Variants in AGBL4 observed in about 807,000 individuals in gnomAD.
The protein encoded by AGBL4 is cytosolic carboxypeptidase 6.
AGBL4 carries 58 observed loss-of-function variants against 66.4 expected under a neutral mutation model. The observed-to-expected ratio is 0.87, with a 90% CI of 0.71 to 1.09. The LOEUF (loss-of-function observed/expected upper bound fraction) is 1.09, where lower values mean the gene tolerates loss of function less well. Ranked by LOEUF, AGBL4 falls within the 50% of genes least tolerant of loss-of-function variation. The pLI, the probability that AGBL4 is intolerant of heterozygous loss-of-function variation, is 0.00. For synonymous variants in AGBL4, 234 were observed against 222.9 expected (o/e 1.05, Z -0.44); for missense variants, 579 against 631.0 (o/e 0.92, Z 0.88).
At chr1:49,784,562 A>G (rs1644408063) in intron 2 of AGBL4, among the ~76,000 whole-genome samples, 1 of 152,076 alleles carries the variant, frequency 6.6e-6, no homozygotes, top group South Asian at 2.1e-4. Context: ...AAGAAAACAT[A>G]GGTGCAAGTC....
chr1:48,842,649 C>T (rs777782451), intron 6 of AGBL4, among the ~76,000 whole-genome samples: 25 of 152,072 alleles, frequency 1.6e-4, no homozygotes, highest in Non-Finnish European at 2.6e-4. Context: ...CTGTATGATC[C>T]GGCAATCCTA....
intron 2 of AGBL4, among the ~76,000 whole-genome samples, chr1:49,808,949 C>T (rs1645035611): frequency 6.6e-6 from 1 of 152,038 alleles, no homozygotes; most frequent in Non-Finnish European, 1.5e-5. Flanking sequence ...ATGGTTTGCT[C>T]CCTATTTGCT....
At chr1:49,883,836 A>G (rs114388275) in intron 1 of AGBL4, among the ~76,000 whole-genome samples, 1,665 of 152,088 alleles carry the variant, frequency 0.011, 27 homozygotes, top group African/African-American at 0.038. Context: ...ACACAAAAGG[A>G]GAGGAAAAAA....
chr1:49,742,925 T>C (rs982442818), intron 2 of AGBL4, among the ~76,000 whole-genome samples: 6 of 152,196 alleles, frequency 3.9e-5, no homozygotes, highest in Non-Finnish European at 8.8e-5. Context: ...GACTTAAATG[T>C]TAGACCTAAA....
At chr1:49,044,676 G>A (rs1644033724) in intron 5 of AGBL4, among the ~76,000 whole-genome samples, 1 of 152,094 alleles carries the variant, frequency 6.6e-6, no homozygotes, top group Admixed American at 6.5e-5. Flanking sequence ...GATTATCTGG[G>A]TAAATCCACT....
In AGBL4 at chr1:49,243,283, A is replaced by C. The variant is rs572218764; in HGVS notation, c.377+2487T>G. 6.0e-4 allele frequency among the ~76,000 whole-genome samples: 91 copies of C among 151,828 alleles called. 1 individual carries two copies. Among genetic ancestry groups the C allele is most frequent in the African/African-American group, 2.2e-3 (90 of 41,520 alleles). ...AGAAAGACACTGGAGAAGATACTAT[A>C]AATTTGAGATCTACGAGGTATTTTT... On this transcript the variant is annotated intron_variant, in intron 4 of 13. Transcript: ENST00000371839.
At chr1:49,400,570 T>C (rs1391974444) in intron 3 of AGBL4, among the ~76,000 whole-genome samples, 1 of 152,204 alleles carries the variant, frequency 6.6e-6, no homozygotes, top group Non-Finnish European at 1.5e-5. Flanking sequence ...CAGTGTTTTA[T>C]AGTATTCTCT....
chr1:49,948,099 TA>T (rs1655551936), intron 1 of AGBL4, among the ~76,000 whole-genome samples: 4 of 78,396 alleles, frequency 5.1e-5, no homozygotes, highest in Non-Finnish European at 6.6e-5. Flanking sequence ...TATGTATATG[TA>T]TATATATGTA....
intron 3 of AGBL4, among the ~76,000 whole-genome samples, chr1:49,430,626 C>G (rs1645764772): frequency 1.3e-5 from 2 of 152,166 alleles, no homozygotes; most frequent in South Asian, 4.1e-4. Context: ...AGTAAACATA[C>G]TTTAAATTGC....
At chr1:49,056,623 G>A (rs1479140730) in intron 4 of AGBL4, among the ~76,000 whole-genome samples, 1 of 152,166 alleles carries the variant, frequency 6.6e-6, no homozygotes, top group East Asian at 1.9e-4. Flanking sequence ...AAGTTAGAAA[G>A]TGGGGGAGGG....
chr1:48,581,981 C>G (rs1644747402), intron 11 of AGBL4, among the ~76,000 whole-genome samples: 1 of 152,240 alleles, frequency 6.6e-6, no homozygotes, highest in Non-Finnish European at 1.5e-5. Flanking sequence ...CTGAGGATGT[C>G]TCTCTTTTAG....
chr1:49,129,160 A>G (rs1569727687), intron 4 of AGBL4, among the ~76,000 whole-genome samples: 1 of 152,184 alleles, frequency 6.6e-6, no homozygotes, highest in East Asian at 1.9e-4. Flanking sequence ...GAATACTACT[A>G]CATACCCACT....
intron 2 of AGBL4, among the ~76,000 whole-genome samples, chr1:49,818,757 C>T (rs1282884869): frequency 6.6e-6 from 1 of 152,106 alleles, no homozygotes; most frequent in African/African-American, 2.4e-5. Context: ...GCACCAATTA[C>T]CTGCATGATA....
chr1:49,224,773 A>G (rs1649776802), intron 4 of AGBL4, among the ~76,000 whole-genome samples: 1 of 152,176 alleles, frequency 6.6e-6, no homozygotes, highest in South Asian at 2.1e-4. Context: ...AGTCAGACAC[A>G]GTCTCTACTC....
chr1:49,232,173 G>A (rs1650366474), intron 4 of AGBL4, among the ~76,000 whole-genome samples: 1 of 151,740 alleles, frequency 6.6e-6, no homozygotes, highest in African/African-American at 2.4e-5. Flanking sequence ...CACAACTCTG[G>A]GTATATTAAA....
At chr1:48,863,612 C>T (rs1341400673) in intron 6 of AGBL4, among the ~76,000 whole-genome samples, 1 of 151,860 alleles carries the variant, frequency 6.6e-6, no homozygotes, top group Non-Finnish European at 1.5e-5. Flanking sequence ...CAGAATTAAG[C>T]GTGGTAGGCC....
chr1:49,001,313 G>C (rs570742652), intron 5 of AGBL4, among the ~76,000 whole-genome samples: 1 of 152,178 alleles, frequency 6.6e-6, no homozygotes, highest in Non-Finnish European at 1.5e-5. Context: ...TTGACAAGCA[G>C]TTATTTAGCT....
chr1:48,734,709 G>C (rs1408718730), intron 6 of AGBL4, among the ~76,000 whole-genome samples: 1 of 152,164 alleles, frequency 6.6e-6, no homozygotes, highest in Non-Finnish European at 1.5e-5. Flanking sequence ...CCAGATTGCA[G>C]CTCAAATGTC....
At chr1:49,303,620 T>C (rs1644795968) in intron 3 of AGBL4, among the ~76,000 whole-genome samples, 1 of 151,890 alleles carries the variant, frequency 6.6e-6, no homozygotes, top group African/African-American at 2.4e-5. Context: ...GTCAGGCTAA[T>C]TTTTCTTTTT....
Sources: gnomAD v4.1 joint callset for allele counts (sites outside exome capture counted in the v4.1 genomes callset) on GRCh38, gnomAD v4.1.1 for gene constraint, MANE v1.5 for transcripts, NCBI Gene and HGNC (gene_info 2026-07-23, HGNC 2026-07-21) for gene names.